The following ZC3H7B variants were observed in gnomAD, a reference collection of about 807,000 sequenced individuals.
ZC3H7B encodes zinc finger CCCH domain-containing protein 7B.
In ZC3H7B, 35 loss-of-function variants were observed where a neutral mutation model predicts 116.0. The ratio of observed to expected loss-of-function variants is 0.30; its 90% CI spans 0.23 to 0.40. The LOEUF (loss-of-function observed/expected upper bound fraction) is 0.40, where lower values mean the gene tolerates loss of function less well. Ranked by LOEUF, ZC3H7B falls within the 10% of genes least tolerant of loss-of-function variation. The probability of loss-of-function intolerance (pLI) is 1.00; values close to 1 mark genes in which losing one functional copy is unlikely to be tolerated. For missense variants in ZC3H7B, 1,011 were observed against 1,321.5 expected (o/e 0.77, Z 3.64); for synonymous variants, 502 against 545.6 (o/e 0.92, Z 1.11).
At chr22:41,356,610 G>C (rs780572101) in intron 21 of ZC3H7B, 35 bp from the exon 22 acceptor site, 5 of 1,612,346 alleles carry the variant, frequency 3.1e-6, no homozygotes, top group South Asian at 1.1e-5. Flanking sequence ...GCAGAGGTGT[G>C]GGGGAGCAGG....
At chr22:41,347,803 A>C (rs939759716) in intron 14 of ZC3H7B, among the ~76,000 whole-genome samples, 2 of 151,964 alleles carry the variant, frequency 1.3e-5, no homozygotes, top group African/African-American at 4.8e-5. Flanking sequence ...TTTTGACATG[A>C]AGTAACCCCC....
chr22:41,329,937 C>A, intron 5 of ZC3H7B, 86 bp from the exon 6 acceptor site: 2 of 1,422,284 alleles, frequency 1.4e-6, no homozygotes, highest in South Asian at 2.5e-5. Context: ...TATGACCTCC[C>A]TCCGTAGGGC....
In ZC3H7B at chr22:41,338,327, A is replaced by T; in HGVS notation, c.597A>T (p.Gly199=). The T allele has an allele frequency of 1.2e-6, 2 of 1,613,762 alleles. No individual in the cohort carries two copies. The highest frequency in any genetic ancestry group is 1.7e-6 in the Non-Finnish European group (2 of 1,179,928). The change falls in exon 8 of 23, where the codon GGA becomes GGT. Residue 199 remains glycine, a synonymous_variant. Transcript: ENST00000352645. The surrounding 1 kb of genome is among the most constrained non-coding windows in gnomAD (Gnocchi z 4.5). ...TCTCCCCACAGGGAACTTCTAATGG[A>T]TTGGGGTCCATAGATGACATCGAAA... is the stretch of plus-strand genomic sequence containing the variant. The part of the protein sequence containing the change: ...AGVADQGTSN[G]LGSIDDIETD...
intron 2 of ZC3H7B, among the ~76,000 whole-genome samples, chr22:41,322,616 G>A (rs189111569): frequency 1.3e-5 from 2 of 152,142 alleles, no homozygotes; most frequent in East Asian, 1.9e-4. Context: ...CGTGGGCATC[G>A]TGGCCTCTCA....
intron 1 of ZC3H7B, among the ~76,000 whole-genome samples, chr22:41,319,038 A>G (rs1601768680): frequency 6.6e-6 from 1 of 152,156 alleles, no homozygotes; most frequent in East Asian, 1.9e-4. Context: ...GGAGGCTGAG[A>G]TGGGTGGATC....
rs2036635430 is a variant in ZC3H7B, at chr22:41,349,824, T to C, written c.1948+523T>C. Among the ~76,000 whole-genome samples the C allele has an allele frequency of 6.6e-6, 1 of 152,158 alleles. No individual in the cohort carries two copies. Among genetic ancestry groups the C allele is most frequent in the East Asian group, 1.9e-4 (1 of 5,194 alleles). The stretch of plus-strand genomic sequence containing the variant: ...GGCCCTTACTTTCAGAGAACCTACA[T>C]TTATAAGTGGGGGCCAGACAGATAA... On this transcript the variant is annotated intron_variant, in intron 16 of 22. Transcript: ENST00000352645. This position sits in a 1 kb window ranked among gnomAD's most constrained non-coding sequence, Gnocchi z 4.9.
Position 41,357,155 on chromosome 22 carries a change from G to A in ZC3H7B, c.2682-22G>A. 1 of 1,610,150 alleles carries A rather than the reference G, an allele frequency of 6.2e-7. No individual in the cohort carries two copies. Among genetic ancestry groups the A allele is most frequent in the Non-Finnish European group, 8.5e-7 (1 of 1,178,838 alleles). On this transcript the variant is annotated intron_variant, in intron 22 of 22. Transcript: ENST00000352645. The surrounding 1 kb of genome is among the most constrained non-coding windows in gnomAD (Gnocchi z 5.4). Reference sequence around the variant, plus strand: ...GTGGGAAGGGCACAGAGCTCGGGCAGTGAGCCTCCTGCCACCCACAGGCTC... The same window carrying A: ...GTGGGAAGGGCACAGAGCTCGGGCAATGAGCCTCCTGCCACCCACAGGCTC...
Position 41,349,060 on chromosome 22 carries a change from GA to G in ZC3H7B, c.1767-59del, listed in dbSNP as rs2036623951. ...GGCACTGGGAAGGTGGCCCTACCAG[GA>G]GAGAAGGTCAGAGGGGCTGCGGACT... On this transcript the variant is annotated intron_variant, in intron 15 of 22. Transcript: ENST00000352645. This position sits in a 1 kb window ranked among gnomAD's most constrained non-coding sequence, Gnocchi z 4.9. The G allele has an allele frequency of 1.9e-6, 3 of 1,569,210 alleles. No homozygotes were observed. Among genetic ancestry groups the G allele is most frequent in the Non-Finnish European group, 2.6e-6 (3 of 1,153,214 alleles).
In ZC3H7B at chr22:41,356,633, C is replaced by A; in HGVS notation, c.2518-12C>A. ...GTGGGGGAGCAGGCACCCATGATGG[C>A]TGTGCTCCCAGATGGGCTACCACTG... On this transcript the variant is annotated splice_polypyrimidine_tract_variant and intron_variant, in intron 21 of 22. Coordinates refer to ENST00000352645, the MANE Select transcript of ZC3H7B (RefSeq NM_017590.6). 1.2e-6 allele frequency: 2 copies of A among 1,613,192 alleles called. No homozygotes were observed. The highest frequency in any genetic ancestry group is 1.7e-6 in the Non-Finnish European group (2 of 1,179,904).
At chr22:41,319,141 C>T (rs1164975836) in intron 1 of ZC3H7B, among the ~76,000 whole-genome samples, 1 of 152,194 alleles carries the variant, frequency 6.6e-6, no homozygotes. Flanking sequence ...GTGGCTCACG[C>T]CTGTAATCCC....
chr22:41,313,440 T>C (rs1267986145), intron 1 of ZC3H7B, among the ~76,000 whole-genome samples: 2 of 152,036 alleles, frequency 1.3e-5, no homozygotes, highest in African/African-American at 4.8e-5. Flanking sequence ...CCAAAGCCAA[T>C]CACTGGCAAG....
At chr22:41,345,308 A>G (rs1254104311) in intron 13 of ZC3H7B, among the ~76,000 whole-genome samples, 1 of 152,136 alleles carries the variant, frequency 6.6e-6, no homozygotes, top group African/African-American at 2.4e-5. Flanking sequence ...TATATTTGCC[A>G]GTCACAGTGG....
At chr22:41,325,395 T>A (rs2036304946) in intron 2 of ZC3H7B, among the ~76,000 whole-genome samples, 169 bp from the exon 3 acceptor site, 1 of 152,058 alleles carries the variant, frequency 6.6e-6, no homozygotes, top group Non-Finnish European at 1.5e-5. Flanking sequence ...GGTCCTTCCA[T>A]CAGAACTGGA....
In ZC3H7B at chr22:41,332,231, G is replaced by C. The variant is rs1205036859; in HGVS notation, c.582+4G>C. 1.2e-6 allele frequency: 2 copies of C among 1,614,074 alleles called. No individual in the cohort carries two copies. The highest frequency in any genetic ancestry group is 1.7e-5 in the Admixed American group (1 of 60,006). On this transcript the variant is annotated splice_donor_region_variant and intron_variant, in intron 7 of 22. Coordinates refer to ENST00000352645, the MANE Select transcript of ZC3H7B (RefSeq NM_017590.6). Reference sequence around the variant, plus strand: ...TGCGGCTGGCGTGGCAGATCAGGTAGGATCGGGGCTGAACCAACCTGTCTC... The same window carrying C: ...TGCGGCTGGCGTGGCAGATCAGGTACGATCGGGGCTGAACCAACCTGTCTC...
rs935485908 is a variant in ZC3H7B, at chr22:41,327,410, G to C, written c.444+46G>C. The C allele has an allele frequency of 2.5e-6, 4 of 1,591,596 alleles. No individual in the cohort carries two copies. In the Admixed American group the frequency reaches 5.0e-5, roughly 20 times the overall value. On this transcript the variant is annotated intron_variant, in intron 5 of 22. Transcript: ENST00000352645. This position sits in a 1 kb window ranked among gnomAD's most constrained non-coding sequence, Gnocchi z 4.5. Reference sequence around the variant, plus strand: ...ACGCCGGTGCCTGCTCAGAGGCCAGGCTTCTGACCTTCCGGCCCTCACTTG... The same window carrying C: ...ACGCCGGTGCCTGCTCAGAGGCCAGCCTTCTGACCTTCCGGCCCTCACTTG...
At position 41,350,878 on chromosome 22, in the gene ZC3H7B, C is replaced by T. The variant is rs531538038; in HGVS notation, c.1949-683C>T. On this transcript the variant is annotated intron_variant, in intron 16 of 22. Coordinates refer to ENST00000352645, the MANE Select transcript of ZC3H7B (RefSeq NM_017590.6). ...GTAAGCACCGATGATGATTAGCTGT[C>T]GTGGAGCAGGGGCCATAGGTCAAGG... Among the ~76,000 whole-genome samples the T allele has an allele frequency of 3.9e-5, 6 of 152,226 alleles. No individual in the cohort carries two copies. The South Asian group carries it at 1.0e-3, about 26-fold the overall frequency.
rs750421965 is a variant in ZC3H7B, at chr22:41,349,135, C to T, written c.1782C>T (p.Ile594=). The change falls in exon 16 of 23, where the codon ATC becomes ATT. Residue 594 remains isoleucine (I), a synonymous_variant. Coordinates refer to ENST00000352645, the MANE Select transcript of ZC3H7B (RefSeq NM_017590.6). The surrounding 1 kb of genome is among the most constrained non-coding windows in gnomAD (Gnocchi z 4.9). ...SFYNNKCLVH[I]VRSTSLKYSK... The stretch of plus-strand genomic sequence containing the variant: ...CGCCCGCCAGGTGCCTGGTGCACAT[C>T]GTCCGCTCCACCTCCCTCAAGTACT... 2.5e-5 allele frequency: 41 copies of T among 1,613,550 alleles called. No homozygotes were observed. The highest frequency in any genetic ancestry group is 1.6e-4 in the Middle Eastern group (1 of 6,084).
intron 5 of ZC3H7B, among the ~76,000 whole-genome samples, chr22:41,329,350 C>A (rs1331144796): frequency 6.7e-6 from 1 of 149,864 alleles, no homozygotes; most frequent in Non-Finnish European, 1.5e-5. Flanking sequence ...CCACTGCCTC[C>A]TGAGTTCAAG....
chr22:41,325,650 G>C, intron 3 of ZC3H7B, 53 bp downstream of exon 3: 2 of 1,608,858 alleles, frequency 1.2e-6, no homozygotes, highest in South Asian at 2.2e-5. Flanking sequence ...ATGTGCAGGG[G>C]AGAGGCGTGG....
Sources: allele counts gnomAD v4.1 joint callset (sites outside exome capture counted in the v4.1 genomes callset), GRCh38; gene constraint gnomAD v4.1.1; non-coding constraint Gnocchi (gnomAD v3.1); transcripts MANE v1.5; gene names NCBI Gene and HGNC (gene_info 2026-07-23, HGNC 2026-07-21).